Variants in LARGE1 observed in about 807,000 individuals in gnomAD.
LARGE1 encodes the protein LARGE xylosyl- and glucuronyltransferase 1.
In LARGE1, 43 loss-of-function variants were observed where a neutral mutation model predicts 87.6. The ratio of observed to expected loss-of-function variants is 0.49; its 90% CI spans 0.38 to 0.63. LARGE1 has a LOEUF of 0.63. LARGE1 is among the 30% of genes least tolerant of loss of function. LARGE1 has a pLI of 0.00. For synonymous variants in LARGE1, 434 were observed against 394.6 expected (o/e 1.10, Z -1.18); for missense variants, 802 against 1,000.2 (o/e 0.80, Z 2.67).
chr22:33,663,717 C>T (rs240349), intron 2 of LARGE1, among the ~76,000 whole-genome samples: 76,193 of 152,048 alleles, frequency 0.5, 21,193 homozygotes, highest in Middle Eastern at 0.65. Flanking sequence ...AAATCTACTG[C>T]ACTTTATACT....
the LARGE1 span, among the ~76,000 whole-genome samples, chr22:33,154,831 C>T: frequency 6.6e-6 from 1 of 152,146 alleles, no homozygotes; most frequent in African/African-American, 2.4e-5. Flanking sequence ...ATTGTAACTG[C>T]CACAGTTCCC....
At chr22:33,355,188 CCT>C (rs899586417) in intron 9 of LARGE1, among the ~76,000 whole-genome samples, 22 of 152,262 alleles carry the variant, frequency 1.4e-4, no homozygotes, top group African/African-American at 4.6e-4. Context: ...CTTTTAGGCC[CCT>C]GTGTTCATTC....
intron 5 of LARGE1, among the ~76,000 whole-genome samples, chr22:33,588,450 A>G (rs1366907972): frequency 9.2e-5 from 14 of 152,222 alleles, no homozygotes. Context: ...TGAACTAGAC[A>G]ACCTCAAAAC....
At chr22:33,494,640 C>G (rs1251020648) in intron 6 of LARGE1, among the ~76,000 whole-genome samples, 1 of 152,166 alleles carries the variant, frequency 6.6e-6, no homozygotes, top group Non-Finnish European at 1.5e-5. Flanking sequence ...CACAACTACC[C>G]TAACAGGTAG....
chr22:33,633,375 T>C (rs1351362685), intron 3 of LARGE1, among the ~76,000 whole-genome samples: 2 of 152,328 alleles, frequency 1.3e-5, no homozygotes, highest in Middle Eastern at 3.4e-3. Context: ...AGGGCCAGCC[T>C]GGACTTGTGA....
chr22:33,506,880 G>A (rs1391295751), intron 6 of LARGE1, among the ~76,000 whole-genome samples: 2 of 152,280 alleles, frequency 1.3e-5, no homozygotes, highest in African/African-American at 2.4e-5. Flanking sequence ...CAGCCTGGGC[G>A]ACAGAGTTAG....
intron 11 of LARGE1, among the ~76,000 whole-genome samples, chr22:33,266,917 CA>C (rs1927979488): frequency 6.6e-6 from 1 of 151,756 alleles, no homozygotes; most frequent in East Asian, 1.9e-4. Flanking sequence ...TCAATCTCAC[CA>C]AGCCTCAGTT....
chr22:33,433,905 T>C (rs1182985505), intron 6 of LARGE1, among the ~76,000 whole-genome samples: 1 of 152,126 alleles, frequency 6.6e-6, no homozygotes, highest in East Asian at 1.9e-4. Flanking sequence ...GGTAATATAT[T>C]CGATCAATTT....
intron 6 of LARGE1, among the ~76,000 whole-genome samples, chr22:33,477,298 C>T (rs2069121300): frequency 6.6e-6 from 1 of 151,958 alleles, no homozygotes; most frequent in Admixed American, 6.5e-5. Context: ...AAAGGGTTTG[C>T]TGTCAGTTAT....
intron 4 of LARGE1, among the ~76,000 whole-genome samples, chr22:33,615,584 T>C (rs2079558047): frequency 6.6e-6 from 1 of 151,130 alleles, no homozygotes; most frequent in African/African-American, 2.4e-5. Flanking sequence ...GGTCCATTCC[T>C]ACCAGATCCC....
chr22:33,104,538 G>C, the LARGE1 span, among the ~76,000 whole-genome samples: 420 of 152,292 alleles, frequency 2.8e-3, 3 homozygotes, highest in African/African-American at 9.1e-3. Context: ...GGAGAGAACT[G>C]GGAAAGCCTT....
At chr22:33,878,125 A>ATTTC (rs1030797615) in intron 1 of LARGE1, among the ~76,000 whole-genome samples, 4 of 51,252 alleles carry the variant, frequency 7.8e-5, no homozygotes, top group Non-Finnish European at 1.2e-4. Flanking sequence ...TTTATATTGT[A>ATTTC]TTTCTTTTTT....
chr22:33,608,716 G>A (rs1173910420), intron 4 of LARGE1, among the ~76,000 whole-genome samples: 1 of 152,166 alleles, frequency 6.6e-6, no homozygotes, highest in Non-Finnish European at 1.5e-5. Context: ...AACAGTTGAT[G>A]GCACACTTTG....
chr22:33,310,498 T>C (rs1181493928), intron 11 of LARGE1, among the ~76,000 whole-genome samples: 2 of 152,062 alleles, frequency 1.3e-5, no homozygotes, highest in Non-Finnish European at 2.9e-5. Flanking sequence ...TTCATGGCCA[T>C]GGTTGCAACG....
chr22:33,563,699 T>C (rs1047304827), intron 6 of LARGE1, among the ~76,000 whole-genome samples: 1 of 152,186 alleles, frequency 6.6e-6, no homozygotes, highest in Non-Finnish European at 1.5e-5. Context: ...TCTATGAAGA[T>C]TAGAGAGCTG....
intron 7 of LARGE1, among the ~76,000 whole-genome samples, chr22:33,407,017 T>A (rs771156898): frequency 2.6e-5 from 4 of 152,144 alleles, no homozygotes; most frequent in Non-Finnish European, 4.4e-5. Flanking sequence ...GGTTTTGAAC[T>A]CTTGACCTCA....
At chr22:33,698,142 T>A (rs1037560529) in intron 2 of LARGE1, among the ~76,000 whole-genome samples, 5 of 152,172 alleles carry the variant, frequency 3.3e-5, no homozygotes, top group African/African-American at 1.2e-4. Context: ...GTGCGATCTC[T>A]GCTCACTGCA....
chr22:33,250,388 C>G (rs1490779021), intron 11 of LARGE1, among the ~76,000 whole-genome samples: 1 of 152,170 alleles, frequency 6.6e-6, no homozygotes, highest in African/African-American at 2.4e-5. Flanking sequence ...CAACCTTGCT[C>G]TAATTGCTTA....
intron 6 of LARGE1, among the ~76,000 whole-genome samples, chr22:33,518,995 T>G (rs1307354891): frequency 6.6e-6 from 1 of 152,058 alleles, no homozygotes; most frequent in East Asian, 1.9e-4. Flanking sequence ...GTCAGCTAGT[T>G]GGAACTTACC....
Sources: allele counts gnomAD v4.1 joint callset (sites outside exome capture counted in the v4.1 genomes callset), GRCh38; gene constraint gnomAD v4.1.1; transcripts MANE v1.5; gene names NCBI Gene and HGNC (gene_info 2026-07-23, HGNC 2026-07-21).